Variants in CHKA observed in about 807,000 individuals in gnomAD.
CHKA encodes choline kinase alpha.
Under a neutral mutation model 60.1 loss-of-function variants are expected in CHKA, and 34 were observed. That is an observed-to-expected ratio of 0.57 (90% CI 0.43 to 0.75). The LOEUF (loss-of-function observed/expected upper bound fraction) is 0.75, where lower values mean the gene tolerates loss of function less well. Among genes scored for constraint, CHKA ranks in the 30% least tolerant of loss-of-function variants. The pLI, the probability that CHKA is intolerant of heterozygous loss-of-function variation, is 0.00. For synonymous variants in CHKA, 217 were observed against 223.1 expected, an observed-to-expected ratio of 0.97 and a Z score of 0.24; for missense variants, 563 against 561.3, an observed-to-expected ratio of 1.00 and a Z score of -0.03.
intron 1 of CHKA, among the ~76,000 whole-genome samples, chr11:68,100,399 G>A (rs1374717010): frequency 6.6e-6 from 1 of 152,064 alleles, no homozygotes; most frequent in Non-Finnish European, 1.5e-5. Flanking sequence ...AGACCAGCCT[G>A]GCCAACATGG....
chr11:68,093,145 C>A (rs1857403759), intron 2 of CHKA, among the ~76,000 whole-genome samples: 1 of 151,954 alleles, frequency 6.6e-6, no homozygotes, highest in Non-Finnish European at 1.5e-5. Context: ...GTTGCTGGGA[C>A]CACAGGCACA....
chr11:68,068,985 G>A lies in CHKA; in HGVS notation c.870-48C>T, dbSNP rs182594267. ...TACCCATCACGCTTCTCAGTCAGCT[G>A]CACACAGTCTTGCTTTCTCCACATG... is the stretch of plus-strand genomic sequence containing the variant. On this transcript the variant is annotated intron_variant, in intron 6 of 11. Coordinates refer to ENST00000265689, the MANE Select transcript of CHKA (RefSeq NM_001277.3). The A allele has an allele frequency of 3.8e-4, 549 of 1,458,872 alleles. 4 individuals are homozygous for A. In the Admixed American group the frequency reaches 8.7e-3, roughly 23 times the overall value. 90.4% of individuals were successfully genotyped at this position (1,458,872 alleles called of 1,614,324 possible). A position where few individuals can be genotyped will look rare whatever the true frequency, so the allele number is the denominator to read the frequency against.
At chr11:68,114,128 T>C (rs144613126) in intron 1 of CHKA, among the ~76,000 whole-genome samples, 17 of 152,300 alleles carry the variant, frequency 1.1e-4, no homozygotes, top group Middle Eastern at 3.4e-3. Flanking sequence ...CTGGTAGGAA[T>C]GCAAAATGTT....
At chr11:68,090,372 A>G (rs1039578912) in intron 2 of CHKA, among the ~76,000 whole-genome samples, 1 of 152,234 alleles carries the variant, frequency 6.6e-6, no homozygotes, top group Non-Finnish European at 1.5e-5. Context: ...TGATCCTAAC[A>G]CAATGAGGAA....
chr11:68,112,366 TC>T (rs781022430), intron 1 of CHKA, among the ~76,000 whole-genome samples: 5 of 152,102 alleles, frequency 3.3e-5, no homozygotes, highest in Non-Finnish European at 7.4e-5. Context: ...AAGCGATTCT[TC>T]CTGCCTTAGC....
intron 7 of CHKA, among the ~76,000 whole-genome samples, chr11:68,066,991 C>T (rs1162933920): frequency 7.1e-6 from 1 of 140,524 alleles, no homozygotes. Context: ...TCAGCTGCCA[C>T]AGGGGATCCC....
chr11:68,055,873 C>T (rs1464619816), intron 11 of CHKA, among the ~76,000 whole-genome samples: 2 of 151,038 alleles, frequency 1.3e-5, no homozygotes, highest in East Asian at 1.9e-4. Context: ...AAAGAAACCC[C>T]GTCTCTACTT....
chr11:68,086,013 C>T (rs1282501726), intron 2 of CHKA, among the ~76,000 whole-genome samples: 2 of 152,002 alleles, frequency 1.3e-5, no homozygotes, highest in Non-Finnish European at 2.9e-5. Flanking sequence ...TGTTCTACTT[C>T]ATGCTTTAAA....
At chr11:68,101,660 A>T (rs553455820) in intron 1 of CHKA, among the ~76,000 whole-genome samples, 1 of 152,122 alleles carries the variant, frequency 6.6e-6, no homozygotes. Flanking sequence ...TAACAAAAAA[A>T]AAAAGAAAAG....
chr11:68,099,587 G>A (rs534922484), intron 1 of CHKA, among the ~76,000 whole-genome samples: 8 of 152,284 alleles, frequency 5.3e-5, no homozygotes, highest in Non-Finnish European at 8.8e-5. Context: ...GAAGCAGGCC[G>A]ACAGCGTGTA....
At chr11:68,089,555 T>G (rs1020021722) in intron 2 of CHKA, among the ~76,000 whole-genome samples, 1 of 152,186 alleles carries the variant, frequency 6.6e-6, no homozygotes, top group Non-Finnish European at 1.5e-5. Flanking sequence ...ATTTCTAAAA[T>G]TCCTAAATGT....
At chr11:68,119,791 C>A (rs61890478) in intron 1 of CHKA, among the ~76,000 whole-genome samples, 86,464 of 151,926 alleles carry the variant, frequency 0.57, 24,715 homozygotes, top group Middle Eastern at 0.7. Flanking sequence ...TTAAAGGTCT[C>A]AATAGAAGGA....
chr11:68,059,850 C>T (rs1856155408), intron 11 of CHKA, among the ~76,000 whole-genome samples: 1 of 152,152 alleles, frequency 6.6e-6, no homozygotes, highest in South Asian at 2.1e-4. Context: ...AAAGAATGTG[C>T]ACCCTGCAGT....
At chr11:68,116,363 A>G (rs1347215979) in intron 1 of CHKA, among the ~76,000 whole-genome samples, 1 of 152,088 alleles carries the variant, frequency 6.6e-6, no homozygotes, top group African/African-American at 2.4e-5. Context: ...TGAGCCCAGG[A>G]GTTCTATACC....
Position 68,062,024 on chromosome 11 carries a change from C to G in CHKA, c.1243G>C (p.Ala415Pro). ...MLLEVNRFAL[A>P]SHFLWGLWSI... ...CACAGTCCCCAGAGGAAATGAGATG[C>G]AAGGGCAAACCTGGAATGATAAAAG... Residue 415 changes from alanine (A) to proline (P), a missense_variant, in exon 11 of 12, where the codon GCA (alanine) becomes CCA (proline). Physicochemically the swap from Ala to Pro is conservative, Grantham distance 27. Transcript: ENST00000265689. 6.3e-7 allele frequency: 1 copy of G among 1,590,298 alleles called. No individual in the cohort carries two copies. The highest frequency in any genetic ancestry group is 8.6e-7 in the Non-Finnish European group (1 of 1,166,772).
intron 2 of CHKA, among the ~76,000 whole-genome samples, chr11:68,094,770 T>A (rs560438059): frequency 6.6e-6 from 1 of 152,306 alleles, no homozygotes; most frequent in South Asian, 2.1e-4. Context: ...ACCTCAGATA[T>A]CCTCAGCAAG....
Position 68,053,941 on chromosome 11 carries a change from C to T in CHKA, c.*47G>A, listed in dbSNP as rs1462851079. ...GCACAGAGGGGACCCCGCTCTGCTGCCTCCCCATGCAGTCCAGTGATGAGG... is the reference window on the plus strand; with the variant it reads ...GCACAGAGGGGACCCCGCTCTGCTGTCTCCCCATGCAGTCCAGTGATGAGG... On this transcript the variant is annotated 3_prime_UTR_variant, in exon 12 of 12. Coordinates refer to ENST00000265689, the MANE Select transcript of CHKA (RefSeq NM_001277.3). 2 of 1,555,412 alleles carry T rather than the reference C, an allele frequency of 1.3e-6. No homozygotes were observed. The highest frequency in any genetic ancestry group is 4.5e-5 in the East Asian group (2 of 44,470).
At chr11:68,085,347 C>T (rs1857145933) in intron 2 of CHKA, among the ~76,000 whole-genome samples, 2 of 152,096 alleles carry the variant, frequency 1.3e-5, no homozygotes, top group South Asian at 2.1e-4. Flanking sequence ...TATTAGCCTC[C>T]CAAGTAGCAG....
At chr11:68,084,376 ATG>A (rs762321561) in intron 2 of CHKA, among the ~76,000 whole-genome samples, 1 of 124,550 alleles carries the variant, frequency 8.0e-6, no homozygotes, top group Non-Finnish European at 1.7e-5. Flanking sequence ...ATATACGTAT[ATG>A]TGTATATATA....
Sources: gnomAD v4.1 joint callset for allele counts (sites outside exome capture counted in the v4.1 genomes callset) on GRCh38, gnomAD v4.1.1 for gene constraint, MANE v1.5 for transcripts, NCBI Gene and HGNC (gene_info 2026-07-23, HGNC 2026-07-21) for gene names.